PLCB1: variants seen among roughly 807,000 people sequenced by gnomAD.
PLCB1 encodes phospholipase C beta 1.
PLCB1 carries 46 observed loss-of-function variants against 161.8 expected under a neutral mutation model. That is an observed-to-expected ratio of 0.28 (90% CI 0.22 to 0.36). The LOEUF (loss-of-function observed/expected upper bound fraction) is 0.36. Among genes scored for constraint, PLCB1 ranks in the 10% least tolerant of loss-of-function variants. The pLI is 1.00. For synonymous variants in PLCB1, 517 were observed against 503.7 expected (o/e 1.03, Z -0.35); for missense variants, 1,016 against 1,472.5 (o/e 0.69, Z 5.07).
At chr20:8,484,332 C>T (rs1458235494) in intron 3 of PLCB1, among the ~76,000 whole-genome samples, 1 of 151,164 alleles carries the variant, frequency 6.6e-6, no homozygotes, top group African/African-American at 2.4e-5. Context: ...GCCACCTTCT[C>T]AGATCTTTTG....
intron 2 of PLCB1, among the ~76,000 whole-genome samples, chr20:8,212,376 T>C (rs6055653): frequency 0.018 from 2,749 of 152,226 alleles, 104 homozygotes; most frequent in African/African-American, 0.062. Context: ...TCTAACCATT[T>C]TGTATGCATT....
intron 3 of PLCB1, among the ~76,000 whole-genome samples, chr20:8,383,888 C>CT (rs1987339230): frequency 3.9e-5 from 6 of 152,144 alleles, no homozygotes; most frequent in Admixed American, 3.9e-4. Flanking sequence ...ACTGAGAGGT[C>CT]TGCTGTTGGT....
intron 2 of PLCB1, among the ~76,000 whole-genome samples, chr20:8,368,566 A>T (rs2122331299): frequency 6.6e-6 from 1 of 151,872 alleles, no homozygotes; most frequent in South Asian, 2.1e-4. Context: ...AGAAAAAATA[A>T]AAGAAAATAT....
chr20:8,844,876 C>A (rs374723206), intron 31 of PLCB1, among the ~76,000 whole-genome samples: 6 of 151,868 alleles, frequency 4.0e-5, no homozygotes, highest in African/African-American at 1.5e-4. Flanking sequence ...TTTGGGAGGC[C>A]GAGGCGGGCG....
chr20:8,717,592 C>A, intron 13 of PLCB1, 79 bp from the exon 14 acceptor site: 1 of 1,102,370 alleles, frequency 9.1e-7, no homozygotes, highest in Non-Finnish European at 1.3e-6. Flanking sequence ...TTGGTATCCA[C>A]AGCTGATCTG....
chr20:8,469,411 C>T (rs932688265), intron 3 of PLCB1, among the ~76,000 whole-genome samples: 9 of 152,064 alleles, frequency 5.9e-5, no homozygotes, highest in Admixed American at 3.3e-4. Flanking sequence ...GTATCCTAGT[C>T]GTGTTATTCT....
At chr20:8,333,035 C>T (rs1391993252) in intron 2 of PLCB1, among the ~76,000 whole-genome samples, 2 of 152,154 alleles carry the variant, frequency 1.3e-5, no homozygotes, top group East Asian at 1.9e-4. Context: ...CGAGGGACTA[C>T]GTGACCATTT....
intron 2 of PLCB1, among the ~76,000 whole-genome samples, chr20:8,302,637 T>C (rs2123322574): frequency 6.6e-6 from 1 of 152,362 alleles, no homozygotes; most frequent in Admixed American, 6.5e-5. Context: ...TTTTTTCTTC[T>C]TTGATTAAAG....
chr20:8,771,094 T>G (rs1464777674), intron 26 of PLCB1, among the ~76,000 whole-genome samples: 1 of 152,140 alleles, frequency 6.6e-6, no homozygotes, highest in Admixed American at 6.5e-5. Context: ...CAGGAGCCAC[T>G]AGCTACCTAC....
chr20:8,785,697 A>C (rs1369138654), intron 27 of PLCB1, among the ~76,000 whole-genome samples: 1 of 152,022 alleles, frequency 6.6e-6, no homozygotes, highest in African/African-American at 2.4e-5. Context: ...ACCAACATAA[A>C]AGTCAGAACT....
intron 30 of PLCB1, among the ~76,000 whole-genome samples, chr20:8,789,791 A>G (rs937014217): frequency 1.3e-5 from 2 of 152,224 alleles, no homozygotes; most frequent in African/African-American, 4.8e-5. Flanking sequence ...AAATAGAGTC[A>G]AGTCATTTCC....
At chr20:8,490,373 T>C (rs34953630) in intron 3 of PLCB1, among the ~76,000 whole-genome samples, 14,422 of 152,280 alleles carry the variant, frequency 0.095, 977 homozygotes, top group Admixed American at 0.21. Flanking sequence ...ATTCATAAAT[T>C]ACCAGTGTTT....
chr20:8,186,484 T>C (rs1954000221), intron 2 of PLCB1, among the ~76,000 whole-genome samples: 1 of 152,202 alleles, frequency 6.6e-6, no homozygotes, highest in African/African-American at 2.4e-5. Context: ...CTTTATTCTA[T>C]ATTGACTGTG....
At chr20:8,485,248 A>C (rs1600100934) in intron 3 of PLCB1, among the ~76,000 whole-genome samples, 1 of 152,206 alleles carries the variant, frequency 6.6e-6, no homozygotes, top group South Asian at 2.1e-4. Context: ...TGTATACTCC[A>C]CAGCCAATCC....
chr20:8,506,485 A>T (rs867923498), intron 3 of PLCB1, among the ~76,000 whole-genome samples: 2 of 152,354 alleles, frequency 1.3e-5, no homozygotes, highest in South Asian at 4.1e-4. Flanking sequence ...TTCCATAGAT[A>T]TTGAACTTGA....
intron 2 of PLCB1, among the ~76,000 whole-genome samples, chr20:8,163,904 A>G (rs888448529): frequency 2.6e-5 from 4 of 152,220 alleles, no homozygotes; most frequent in South Asian, 2.1e-4. Context: ...GCAAAGCTTC[A>G]TATGGAATGA....
At position 8,340,461 on chromosome 20, in the gene PLCB1, C is replaced by T. The variant is rs1182182328; in HGVS notation, c.178-30921C>T. ...TTTTTGAGACGGAGTCTCGCTCTGT[C>T]GCCCAGGCTGGAGTGCAGTGGCGCG... On this transcript the variant is annotated intron_variant, in intron 2 of 31. Transcript: ENST00000338037. Among the ~76,000 whole-genome samples the T allele has an allele frequency of 3.9e-5, 6 of 152,170 alleles. No individual in the cohort carries two copies. In the South Asian group the frequency reaches 6.2e-4, roughly 16 times the overall value.
chr20:8,759,858 C>CTCTTT (rs1981925276), intron 24 of PLCB1, among the ~76,000 whole-genome samples: 1 of 143,148 alleles, frequency 7.0e-6, no homozygotes, highest in African/African-American at 2.6e-5. Flanking sequence ...GATGTCTTTT[C>CTCTTT]TCTTTTCTCT....
At chr20:8,729,998 G>A (rs1359001082) in intron 18 of PLCB1, 1 of 151,828 alleles carries the variant, frequency 6.6e-6, no homozygotes, top group African/African-American at 2.4e-5. Context: ...CATTATTAAG[G>A]TTGAACTTTT....
Sources: gnomAD v4.1 joint callset for allele counts (sites outside exome capture counted in the v4.1 genomes callset) on GRCh38, gnomAD v4.1.1 for gene constraint, MANE v1.5 for transcripts, NCBI Gene and HGNC (gene_info 2026-07-23, HGNC 2026-07-21) for gene names.